Variants in PCDHB13 observed in about 807,000 individuals in gnomAD.
PCDHB13 encodes protocadherin beta 13.
For missense variants in PCDHB13, 1,065 were observed against 1,016.7 expected (o/e 1.05, Z -0.65); for synonymous variants, 515 against 450.7 (o/e 1.14, Z -1.81).
chr5:141,215,558 G>C lies in PCDHB13; in HGVS notation c.1435G>C (p.Asp479His). 6.2e-7 allele frequency: 1 copy of C among 1,613,704 alleles called. No homozygotes were observed. The highest frequency in any genetic ancestry group is 8.5e-7 in the Non-Finnish European group (1 of 1,179,970). ...HIRSVSATDR[D>H]SGTNAQVTYS... Reference sequence around the variant, plus strand: ...CCGCAGCGTCAGCGCTACAGACAGAGACTCAGGCACCAACGCCCAGGTCAC... The same window carrying C: ...CCGCAGCGTCAGCGCTACAGACAGACACTCAGGCACCAACGCCCAGGTCAC... The change falls in exon 1 of 1, where the codon GAC (aspartate) becomes CAC (histidine). Residue 479 changes from aspartate (D) to histidine (H), a missense_variant. Transcript: ENST00000341948.
Position 141,216,499 on chromosome 5 carries a change from C to A in PCDHB13, c.2376C>A (p.Asn792Lys). 6.2e-7 allele frequency: 1 copy of A among 1,613,544 alleles called. No individual in the cohort carries two copies. Among genetic ancestry groups the A allele is most frequent in the Non-Finnish European group, 8.5e-7 (1 of 1,179,566 alleles). Residue 792 changes from asparagine (N) to lysine (K), a missense_variant, in exon 1 of 1, where the codon AAC becomes AAA. Coordinates refer to ENST00000341948, the MANE Select transcript of PCDHB13 (RefSeq NM_018933.4). Reference sequence around the variant, plus strand: ...AAGGAAATTCTACCTTCCCCAATAACTTTGGGTTCAATATTCAGTGACCAT... The same window carrying A: ...AAGGAAATTCTACCTTCCCCAATAAATTTGGGTTCAATATTCAGTGACCAT... ...EIQGNSTFPNNFGFNIQ is the reference protein window; with the variant it reads ...EIQGNSTFPNKFGFNIQ
chr5:141,215,399 T>C lies in PCDHB13; in HGVS notation c.1276T>C (p.Leu426=), dbSNP rs782362770. 1.2e-6 allele frequency: 2 copies of C among 1,614,192 alleles called. No individual in the cohort carries two copies. The highest frequency in any genetic ancestry group is 1.7e-6 in the Non-Finnish European group (2 of 1,180,036). Residue 426 remains leucine (L), a synonymous_variant, in exon 1 of 1, where the codon TTG becomes CTG. Coordinates refer to ENST00000341948, the MANE Select transcript of PCDHB13 (RefSeq NM_018933.4). ...CAACATCACTATCACTGTCACTGAC[T>C]TGGGGACCCCTATGCTGATAACACA... The part of the protein sequence containing the change: ...EYNITITVTD[L]GTPMLITQLN...
rs702384 is a variant in PCDHB13 at position 141,218,971 on chromosome 5, C to T, written c.*2451C>T. On this transcript the variant is annotated 3_prime_UTR_variant, in exon 1 of 1. Coordinates refer to ENST00000341948, the MANE Select transcript of PCDHB13 (RefSeq NM_018933.4). ...GTGGAGAGAAGGGCCAAGTACTTGTCCTGTTACTTCCAGTTTTTCTAGATA... is the reference window on the plus strand; with the variant it reads ...GTGGAGAGAAGGGCCAAGTACTTGTTCTGTTACTTCCAGTTTTTCTAGATA... The T allele has an allele frequency of 0.19, 31,929 of 166,606 alleles. 3,981 individuals are homozygous for T. The highest frequency in any genetic ancestry group is 0.5 in the East Asian group (2,592 of 5,156). 10.3% of individuals were successfully genotyped at this position (166,606 alleles called of 1,614,324 possible). A position where few individuals can be genotyped will look rare whatever the true frequency, so the allele number is the denominator to read the frequency against.
At position 141,215,038 on chromosome 5, in the gene PCDHB13, A is replaced by T. The variant is rs113877457; in HGVS notation, c.915A>T (p.Lys305Asn). The T allele has an allele frequency of 2.2e-5, 36 of 1,614,204 alleles. 1 individual carries two copies. The highest frequency in any genetic ancestry group is 2.1e-4 in the African/African-American group (16 of 75,048). ...INPLTGEIELKKQLDFEKLQS... is the reference protein window; with the variant it reads ...INPLTGEIELNKQLDFEKLQS... ...CCTTGACAGGAGAAATTGAACTAAAAAAACAACTCGATTTCGAAAAACTTC... is the reference window on the plus strand; with the variant it reads ...CCTTGACAGGAGAAATTGAACTAAATAAACAACTCGATTTCGAAAAACTTC... Residue 305 changes from lysine to asparagine, a missense_variant, in exon 1 of 1, where the codon AAA becomes AAT. Transcript: ENST00000341948.
At position 141,216,849 on chromosome 5, in the gene PCDHB13, G is replaced by GAA. The variant is rs1318339555; in HGVS notation, c.*330_*331dup. On this transcript the variant is annotated 3_prime_UTR_variant, in exon 1 of 1. Transcript: ENST00000341948. ...TGGTAAAATTAAATAGAGCAATTTGGAAGTGATTCCAATTTTCCAGCATTT... is the reference window on the plus strand; with the variant it reads ...TGGTAAAATTAAATAGAGCAATTTGGAAAAGTGATTCCAATTTTCCAGCATTT... 3.2e-5 allele frequency: 11 copies of GAA among 339,406 alleles called. No individual in the cohort carries two copies. The highest frequency in any genetic ancestry group is 4.6e-5 in the Non-Finnish European group (8 of 175,728). 21.0% of individuals were successfully genotyped at this position (339,406 alleles called of 1,614,324 possible).
rs781814053 is a variant in PCDHB13 at position 141,218,626 on chromosome 5, T to C, written c.*2106T>C. ...GCTATTTTTGTTTGTTTGTTTGTTTTTTGTTTTGTTTTGTTTTTGAGGCAG... is the reference window on the plus strand; with the variant it reads ...GCTATTTTTGTTTGTTTGTTTGTTTCTTGTTTTGTTTTGTTTTTGAGGCAG... On this transcript the variant is annotated 3_prime_UTR_variant, in exon 1 of 1. Coordinates refer to ENST00000341948, the MANE Select transcript of PCDHB13 (RefSeq NM_018933.4). The C allele has an allele frequency of 1.3e-5, 2 of 152,858 alleles. No homozygotes were observed. Among genetic ancestry groups the C allele is most frequent in the African/African-American group, 4.8e-5 (2 of 41,280 alleles). 9.5% of individuals were successfully genotyped at this position (152,858 alleles called of 1,614,324 possible). A position where few individuals can be genotyped will look rare whatever the true frequency, so the allele number is the denominator to read the frequency against.
Position 141,218,752 on chromosome 5 carries a change from G to A in PCDHB13, c.*2232G>A, listed in dbSNP as rs782679638. The A allele has an allele frequency of 1.2e-5, 2 of 163,426 alleles. No individual in the cohort carries two copies. The highest frequency in any genetic ancestry group is 1.3e-4 in the Admixed American group (2 of 15,262). 10.1% of individuals were successfully genotyped at this position (163,426 alleles called of 1,614,324 possible). A position where few individuals can be genotyped will look rare whatever the true frequency, so the allele number is the denominator to read the frequency against. On this transcript the variant is annotated 3_prime_UTR_variant, in exon 1 of 1. Coordinates refer to ENST00000341948, the MANE Select transcript of PCDHB13 (RefSeq NM_018933.4). ...CGCCATTCTCCTGCCTCAGTCTCCC[G>A]AGTAGCACCCCCAGCTATTTTAAAA...
In PCDHB13 at chr5:141,215,844, A is replaced by C; in HGVS notation, c.1721A>C (p.Glu574Ala). ...CAGAACGGCTCCGCGCCCTGCACCG[A>C]GCTGGTGCCCCGGGCGGCCGAGCCG... ...PLQNGSAPCT[E>A]LVPRAAEPGY... The change falls in exon 1 of 1, where the codon GAG becomes GCG. Residue 574 changes from glutamate (E) to alanine (A), a missense_variant. By Grantham distance (107) the Glu-to-Ala change is moderately radical. Transcript: ENST00000341948. The C allele has an allele frequency of 6.2e-7, 1 of 1,609,064 alleles. No homozygotes were observed. The highest frequency in any genetic ancestry group is 8.5e-7 in the Non-Finnish European group (1 of 1,179,004).
Position 141,216,739 on chromosome 5 carries a change from T to A in PCDHB13, c.*219T>A. 1.5e-6 allele frequency: 1 copy of A among 645,582 alleles called. No homozygotes were observed. Among genetic ancestry groups the A allele is most frequent in the Non-Finnish European group, 2.8e-6 (1 of 354,222 alleles). 40.0% of individuals were successfully genotyped at this position (645,582 alleles called of 1,614,324 possible). On this transcript the variant is annotated 3_prime_UTR_variant, in exon 1 of 1. Coordinates refer to ENST00000341948, the MANE Select transcript of PCDHB13 (RefSeq NM_018933.4). ...AACCCAGATGGTCTTAATTTGTAAT[T>A]AATTTGCCTCCCTAAAGAGCAATAC...
Position 141,215,511 on chromosome 5 carries a change from AC to A in PCDHB13, c.1389del (p.Asn463LysfsTer79). On this transcript the variant is annotated frameshift_variant, in exon 1 of 1. Transcript: ENST00000341948. LOFTEE classifies it low-confidence loss of function (END_TRUNC). ...QTSYTLFVRE[N>X]NSPALHIRSV... ...TCCTACACCCTGTTCGTCCGCGAGAACAACAGCCCCGCCCTGCACATCCGCA... is the reference window on the plus strand; with the variant it reads ...TCCTACACCCTGTTCGTCCGCGAGAAAACAGCCCCGCCCTGCACATCCGCA... 2 of 1,614,026 alleles carry A rather than the reference AC, an allele frequency of 1.2e-6. 1 individual carries two copies. Among genetic ancestry groups the A allele is most frequent in the South Asian group, 2.2e-5 (2 of 91,068 alleles).
In PCDHB13 at chr5:141,215,854, C is replaced by G; in HGVS notation, c.1731C>G (p.Pro577=). The change falls in exon 1 of 1, where the codon CCC becomes CCG. Residue 577 remains proline, a synonymous_variant. Coordinates refer to ENST00000341948, the MANE Select transcript of PCDHB13 (RefSeq NM_018933.4). ...NGSAPCTELV[P]RAAEPGYLVT... ...CCGCGCCCTGCACCGAGCTGGTGCCCCGGGCGGCCGAGCCGGGCTACCTGG... is the reference window on the plus strand; with the variant it reads ...CCGCGCCCTGCACCGAGCTGGTGCCGCGGGCGGCCGAGCCGGGCTACCTGG... The G allele has an allele frequency of 6.2e-7, 1 of 1,608,098 alleles. No homozygotes were observed. Among genetic ancestry groups the G allele is most frequent in the Non-Finnish European group, 8.5e-7 (1 of 1,178,756 alleles).
In PCDHB13 at chr5:141,214,918, C is replaced by A. The variant is rs1754550329; in HGVS notation, c.795C>A (p.Val265=). The part of the protein sequence containing the change: ...DSPVGFLVVK[V]SATDVDTGVN... Reference sequence around the variant, plus strand: ...CGGTAGGCTTCCTGGTTGTGAAGGTCTCTGCCACGGATGTAGACACAGGAG... The same window carrying A: ...CGGTAGGCTTCCTGGTTGTGAAGGTATCTGCCACGGATGTAGACACAGGAG... Residue 265 remains valine, a synonymous_variant, in exon 1 of 1, where the codon GTC becomes GTA. Coordinates refer to ENST00000341948, the MANE Select transcript of PCDHB13 (RefSeq NM_018933.4). 1 of 1,614,078 alleles carries A rather than the reference C, an allele frequency of 6.2e-7. No homozygotes were observed. The highest frequency in any genetic ancestry group is 1.3e-5 in the African/African-American group (1 of 74,924).
rs1469292161 is a variant in PCDHB13 at position 141,216,765 on chromosome 5, C to A, written c.*245C>A. ...AATTTGCCTCCCTAAAGAGCAATACCAAATCACATTTTTTTCATGCCCCTA... is the reference window on the plus strand; with the variant it reads ...AATTTGCCTCCCTAAAGAGCAATACAAAATCACATTTTTTTCATGCCCCTA... On this transcript the variant is annotated 3_prime_UTR_variant, in exon 1 of 1. Coordinates refer to ENST00000341948, the MANE Select transcript of PCDHB13 (RefSeq NM_018933.4). The A allele has an allele frequency of 1.8e-6, 1 of 561,576 alleles. No individual in the cohort carries two copies. The highest frequency in any genetic ancestry group is 1.9e-5 in the African/African-American group (1 of 52,686). The allele number at this position is 561,576 out of a possible 1,614,324, so 34.8% of individuals were successfully genotyped here.
rs529505356 is a variant in PCDHB13, at chr5:141,217,021, T to C, written c.*501T>C. On this transcript the variant is annotated 3_prime_UTR_variant, in exon 1 of 1. Transcript: ENST00000341948. ...AATAAACCAGAAAACCTATATCCTA[T>C]GATACAACTCTAAGTGTTATCACTT... 5.0e-5 allele frequency: 12 copies of C among 240,030 alleles called. No individual in the cohort carries two copies. Among genetic ancestry groups the C allele is most frequent in the Non-Finnish European group, 8.6e-5 (10 of 116,474 alleles). 14.9% of individuals were successfully genotyped at this position (240,030 alleles called of 1,614,324 possible).
rs782119920 is a variant in PCDHB13 at position 141,216,094 on chromosome 5, G to T, written c.1971G>T (p.Thr657=). ...AGCCTCCGCGCTCGGCCACCGCCAC[G>T]CTGCACGTGCTCCTGGTGGACGGCT... The part of the protein sequence containing the change: ...NGEPPRSATA[T]LHVLLVDGFS... The change falls in exon 1 of 1, where the codon ACG becomes ACT. Residue 657 remains threonine (T), a synonymous_variant. Coordinates refer to ENST00000341948, the MANE Select transcript of PCDHB13 (RefSeq NM_018933.4). 3.2e-5 allele frequency: 52 copies of T among 1,607,424 alleles called. No homozygotes were observed. Among genetic ancestry groups the T allele is most frequent in the East Asian group, 8.9e-5 (4 of 44,882 alleles).
Position 141,215,426 on chromosome 5 carries a change from C to T in PCDHB13, c.1303C>T (p.Leu435Phe). 6.2e-7 allele frequency: 1 copy of T among 1,614,190 alleles called. No homozygotes were observed. Among genetic ancestry groups the T allele is most frequent in the Non-Finnish European group, 8.5e-7 (1 of 1,180,040 alleles). The stretch of plus-strand genomic sequence containing the variant: ...GGGGACCCCTATGCTGATAACACAG[C>T]TCAATATGACCGTGCTGATCGCCGA... Reference protein sequence around the residue: ...DLGTPMLITQLNMTVLIADVN... With the variant: ...DLGTPMLITQFNMTVLIADVN... Residue 435 changes from leucine (L) to phenylalanine (F), a missense_variant, in exon 1 of 1, where the codon CTC (leucine) becomes TTC (phenylalanine). Physicochemically the swap from Leu to Phe is conservative, Grantham distance 22. Transcript: ENST00000341948.
In PCDHB13 at chr5:141,217,197, A is replaced by T. The variant is rs1754638030; in HGVS notation, c.*677A>T. The T allele has an allele frequency of 6.0e-6, 1 of 166,550 alleles. No individual in the cohort carries two copies. The highest frequency in any genetic ancestry group is 6.6e-5 in the Admixed American group (1 of 15,262). The allele number at this position is 166,550 out of a possible 1,614,324, so 10.3% of individuals were successfully genotyped here. On this transcript the variant is annotated 3_prime_UTR_variant, in exon 1 of 1. Transcript: ENST00000341948. ...AATTAATGTCACAAAGCTCTAGTGC[A>T]ATCTAGTTGAATGCAGATGCCTGTG...
Position 141,215,351 on chromosome 5 carries a change from G to C in PCDHB13, c.1228G>C (p.Asp410His), listed in dbSNP as rs113434094. 2 of 1,614,162 alleles carry C rather than the reference G, an allele frequency of 1.2e-6. No homozygotes were observed. Among genetic ancestry groups the C allele is most frequent in the Non-Finnish European group, 1.7e-6 (2 of 1,180,026 alleles). The change falls in exon 1 of 1, where the codon GAC becomes CAC. Residue 410 changes from aspartate (D) to histidine (H), a missense_variant. Coordinates refer to ENST00000341948, the MANE Select transcript of PCDHB13 (RefSeq NM_018933.4). ...FYTLLTERPLDRESRAEYNIT... is the reference protein window; with the variant it reads ...FYTLLTERPLHRESRAEYNIT... ...CACCCTACTAACGGAGAGACCACTA[G>C]ACAGAGAAAGCAGAGCGGAATACAA...
chr5:141,218,606 T>A lies in PCDHB13; in HGVS notation c.*2086T>A, dbSNP rs1421969566. 6.6e-6 allele frequency: 1 copy of A among 152,494 alleles called. No homozygotes were observed. Among genetic ancestry groups the A allele is most frequent in the Non-Finnish European group, 1.5e-5 (1 of 68,568 alleles). The allele number at this position is 152,494 out of a possible 1,614,324, so 9.4% of individuals were successfully genotyped here. Reference sequence around the variant, plus strand: ...GGCACATGCCACCCCCCACAGCTATTTTTGTTTGTTTGTTTGTTTTTTGTT... The same window carrying A: ...GGCACATGCCACCCCCCACAGCTATATTTGTTTGTTTGTTTGTTTTTTGTT... On this transcript the variant is annotated 3_prime_UTR_variant, in exon 1 of 1. Coordinates refer to ENST00000341948, the MANE Select transcript of PCDHB13 (RefSeq NM_018933.4).
Sources: gnomAD v4.1 joint callset for allele counts on GRCh38, gnomAD v4.1.1 for gene constraint, MANE v1.5 for transcripts, NCBI Gene and HGNC (gene_info 2026-07-23, HGNC 2026-07-21) for gene names.